Variants in NRG3 observed in about 807,000 individuals in gnomAD.
NRG3 encodes the protein neuregulin 3.
A neutral mutation model predicts 66.9 loss-of-function variants in NRG3; 31 were observed. The ratio of observed to expected loss-of-function variants is 0.46; its 90% CI spans 0.35 to 0.63. The LOEUF (loss-of-function observed/expected upper bound fraction) is 0.63. NRG3 is among the 20% of genes least tolerant of loss of function. The probability of loss-of-function intolerance (pLI) is 0.00; values close to 1 mark genes in which losing one functional copy is unlikely to be tolerated. For synonymous variants in NRG3, 393 were observed against 359.4 expected, an observed-to-expected ratio of 1.09 and a Z score of -1.06; for missense variants, 910 against 878.9, an observed-to-expected ratio of 1.04 and a Z score of -0.45.
At chr10:81,935,244 A>G (rs2133039873) in intron 1 of NRG3, among the ~76,000 whole-genome samples, 2 of 152,300 alleles carry the variant, frequency 1.3e-5, no homozygotes, top group Middle Eastern at 6.8e-3. Context: ...TTATCTGCAA[A>G]TATGAGTTTG....
intron 2 of NRG3, among the ~76,000 whole-genome samples, chr10:82,518,671 G>A (rs1292600320): frequency 6.6e-6 from 1 of 152,006 alleles, no homozygotes; most frequent in Non-Finnish European, 1.5e-5. Context: ...TATTAACACT[G>A]GCTGGAGGTT....
intron 1 of NRG3, chr10:81,878,198 G>T: frequency 1.0e-6 from 1 of 954,964 alleles, no homozygotes; most frequent in Non-Finnish European, 1.5e-6. Context: ...CAGCCCCAAG[G>T]AAAAGAGGGG....
chr10:82,366,629 C>G (rs890944010), intron 2 of NRG3, among the ~76,000 whole-genome samples: 1 of 151,862 alleles, frequency 6.6e-6, no homozygotes, highest in African/African-American at 2.4e-5. Context: ...AAATTGTTGT[C>G]GATTTTGCAA....
chr10:81,943,360 T>C (rs1564677845), intron 1 of NRG3, among the ~76,000 whole-genome samples: 2 of 152,166 alleles, frequency 1.3e-5, no homozygotes, highest in Admixed American at 6.6e-5. Context: ...CATCCTGGGC[T>C]ACTCTTAAAA....
chr10:81,956,010 T>A (rs1849797329), intron 1 of NRG3, among the ~76,000 whole-genome samples: 1 of 152,208 alleles, frequency 6.6e-6, no homozygotes, highest in Non-Finnish European at 1.5e-5. Context: ...TGCTTAGATG[T>A]GGCAGATTGT....
intron 2 of NRG3, among the ~76,000 whole-genome samples, chr10:82,430,031 T>C (rs189964168): frequency 2.0e-4 from 31 of 152,322 alleles, no homozygotes; most frequent in Admixed American, 2.6e-4. Flanking sequence ...TTTTTATAGT[T>C]GCTAATCCTT....
At chr10:81,997,773 A>G (rs1016600791) in intron 1 of NRG3, among the ~76,000 whole-genome samples, 13 of 151,914 alleles carry the variant, frequency 8.6e-5, no homozygotes, top group African/African-American at 2.7e-4. Context: ...GCTCTCTCCT[A>G]TAATGTGATT....
chr10:82,037,407 A>C (rs1043047571), intron 1 of NRG3, among the ~76,000 whole-genome samples: 2 of 152,180 alleles, frequency 1.3e-5, no homozygotes, highest in Non-Finnish European at 2.9e-5. Flanking sequence ...CAGAAATTCC[A>C]AGGCAACTGC....
chr10:82,659,701 A>G (rs1421695561), intron 2 of NRG3, among the ~76,000 whole-genome samples: 1 of 152,210 alleles, frequency 6.6e-6, no homozygotes, highest in East Asian at 1.9e-4. Context: ...TCTAAAGAAA[A>G]AAAAAATCAG....
chr10:81,885,374 AGCT>A (rs1243401701), intron 1 of NRG3, among the ~76,000 whole-genome samples: 1 of 152,166 alleles, frequency 6.6e-6, no homozygotes, highest in Non-Finnish European at 1.5e-5. Context: ...TGGGAGTTGG[AGCT>A]GCATGCAATG....
At position 82,984,889 on chromosome 10, in the gene NRG3, C is replaced by G. The variant is rs766574345; in HGVS notation, c.1584-209C>G. On this transcript the variant is annotated intron_variant, in intron 8 of 8. Transcript: ENST00000372141. Reference sequence around the variant, plus strand: ...TCTGGGTTTGAGTCTCAGTCTGTCACTTATTTTCTGTGTGACCTTGGGCAA... The same window carrying G: ...TCTGGGTTTGAGTCTCAGTCTGTCAGTTATTTTCTGTGTGACCTTGGGCAA... 1.7e-5 allele frequency: 23 copies of G among 1,388,408 alleles called. No homozygotes were observed. The African/African-American group carries it at 2.8e-4, about 17-fold the overall frequency. The allele number at this position is 1,388,408 out of a possible 1,614,324, so 86.0% of individuals were successfully genotyped here.
At chr10:82,609,491 T>C (rs1299211715) in intron 2 of NRG3, among the ~76,000 whole-genome samples, 1 of 152,118 alleles carries the variant, frequency 6.6e-6, no homozygotes, top group East Asian at 1.9e-4. Flanking sequence ...GAAGTGTCAT[T>C]TTCTGTATCA....
chr10:82,755,485 T>G (rs1204462885), intron 3 of NRG3, among the ~76,000 whole-genome samples: 7 of 152,108 alleles, frequency 4.6e-5, no homozygotes, highest in Non-Finnish European at 1.5e-5. Context: ...GCTGTCATTT[T>G]TCAGGCTAGA....
At chr10:82,156,298 G>A (rs1377873512) in intron 1 of NRG3, among the ~76,000 whole-genome samples, 1 of 150,086 alleles carries the variant, frequency 6.7e-6, no homozygotes, top group Non-Finnish European at 1.5e-5. Context: ...GTCTGTCTTT[G>A]GAATGAGATA....
intron 1 of NRG3, among the ~76,000 whole-genome samples, chr10:82,246,296 A>T (rs1455308511): frequency 6.6e-6 from 1 of 152,152 alleles, no homozygotes; most frequent in Non-Finnish European, 1.5e-5. Flanking sequence ...TTGCTTTCAC[A>T]TACTGCAAAA....
At chr10:82,351,320 AGTT>A (rs1182183747) in intron 1 of NRG3, among the ~76,000 whole-genome samples, 13 of 152,196 alleles carry the variant, frequency 8.5e-5, no homozygotes, top group African/African-American at 3.1e-4. Context: ...TGGGAAATAA[AGTT>A]GTTGTAGAGA....
chr10:82,565,295 G>A (rs535951171), intron 2 of NRG3, among the ~76,000 whole-genome samples: 17 of 152,192 alleles, frequency 1.1e-4, no homozygotes, highest in African/African-American at 4.1e-4. Flanking sequence ...CATGTACATG[G>A]AGAGTGAATA....
At chr10:82,905,688 T>G (rs1844666659) in intron 4 of NRG3, among the ~76,000 whole-genome samples, 1 of 152,162 alleles carries the variant, frequency 6.6e-6, no homozygotes, top group Non-Finnish European at 1.5e-5. Context: ...TCATTCCTGC[T>G]AACCCCCGAC....
intron 8 of NRG3, among the ~76,000 whole-genome samples, chr10:82,980,176 A>G (rs1235329299): frequency 2.0e-5 from 3 of 151,758 alleles, no homozygotes. Context: ...CTGGACTCCA[A>G]CCTGGGTGAC....
Sources: gnomAD v4.1 joint callset for allele counts (sites outside exome capture counted in the v4.1 genomes callset) on GRCh38, gnomAD v4.1.1 for gene constraint, MANE v1.5 for transcripts, NCBI Gene and HGNC (gene_info 2026-07-23, HGNC 2026-07-21) for gene names.